CAB39: variants seen among roughly 807,000 people sequenced by gnomAD.
CAB39 encodes calcium-binding protein 39.
A neutral mutation model predicts 40.0 loss-of-function variants in CAB39; 8 were observed. The observed-to-expected ratio is 0.20, with a 90% confidence interval of 0.12 to 0.36. CAB39 has a LOEUF of 0.36. Ranked by LOEUF, CAB39 falls within the 10% of genes least tolerant of loss-of-function variation. The pLI is 1.00. For synonymous variants in CAB39, 156 were observed against 141.6 expected, an observed-to-expected ratio of 1.10 and a Z score of -0.72; for missense variants, 270 against 401.1, an observed-to-expected ratio of 0.67 and a Z score of 2.79.
At chr2:230,727,672 C>T (rs1559589712) in intron 1 of CAB39, among the ~76,000 whole-genome samples, 1 of 151,772 alleles carries the variant, frequency 6.6e-6, no homozygotes, top group Non-Finnish European at 1.5e-5. Context: ...CCTTGGCCTC[C>T]CTAAAGTGTT....
chr2:230,754,488 C>T (rs1381110725), intron 1 of CAB39, among the ~76,000 whole-genome samples: 3 of 149,758 alleles, frequency 2.0e-5, no homozygotes, highest in Non-Finnish European at 4.4e-5. Context: ...TCCTTCCGCT[C>T]CTCTTCCTCC....
chr2:230,803,583 A>G (rs533781951), intron 5 of CAB39, among the ~76,000 whole-genome samples: 4 of 152,364 alleles, frequency 2.6e-5, no homozygotes, highest in African/African-American at 4.8e-5. Flanking sequence ...TCAAGGTGCA[A>G]AAATCACAAG....
At chr2:230,722,310 T>TC (rs1559587649) in intron 1 of CAB39, among the ~76,000 whole-genome samples, 1 of 152,212 alleles carries the variant, frequency 6.6e-6, no homozygotes, top group Non-Finnish European at 1.5e-5. Flanking sequence ...ATACAAACTT[T>TC]CATTTTTCTA....
chr2:230,813,891 G>C, intron 6 of CAB39, 158 bp from the exon 7 acceptor site: 1 of 535,468 alleles, frequency 1.9e-6, no homozygotes, highest in South Asian at 2.5e-5. Flanking sequence ...AGACATGAAA[G>C]AGAGTGGCAG....
At chr2:230,791,320 T>C (rs2124957465) in intron 3 of CAB39, among the ~76,000 whole-genome samples, 1 of 152,334 alleles carries the variant, frequency 6.6e-6, no homozygotes, top group South Asian at 2.1e-4. Context: ...AAAAAACAAC[T>C]GCTCATTAGA....
intron 2 of CAB39, among the ~76,000 whole-genome samples, chr2:230,778,510 T>C (rs1009162509): frequency 6.6e-6 from 1 of 152,184 alleles, no homozygotes; most frequent in African/African-American, 2.4e-5. Context: ...AATATTGGAT[T>C]TAAGTCAAGA....
chr2:230,792,899 A>G (rs1442903507), intron 3 of CAB39, among the ~76,000 whole-genome samples: 7 of 152,182 alleles, frequency 4.6e-5, no homozygotes, highest in African/African-American at 1.7e-4. Context: ...GATTGTTAAC[A>G]TATTGCAGGG....
At position 230,754,402 on chromosome 2, in the gene CAB39, C is replaced by T. The variant is rs912111110; in HGVS notation, c.-43-5557C>T. 5.8e-4 allele frequency among the ~76,000 whole-genome samples: 72 copies of T among 123,422 alleles called. No homozygotes were observed. In the South Asian group the frequency reaches 0.016, roughly 28 times the overall value. The allele number at this position is 123,422 out of a possible 152,430, so 81.0% of individuals were successfully genotyped here. A position where few individuals can be genotyped will look rare whatever the true frequency, so the allele number is the denominator to read the frequency against. ...TCCTCTTCCCCTCCTTCTTCCCCTT[C>T]CCCTCCTTCTTCCCCTTTCCCTCCT... is the stretch of plus-strand genomic sequence containing the variant. On this transcript the variant is annotated intron_variant, in intron 1 of 8. Transcript: ENST00000258418.
intron 6 of CAB39, among the ~76,000 whole-genome samples, chr2:230,811,608 A>G (rs1335311135): frequency 6.6e-6 from 1 of 152,198 alleles, no homozygotes; most frequent in Non-Finnish European, 1.5e-5. Flanking sequence ...GACTTCAGCA[A>G]CTGCCTTCAT....
rs932445081 is a variant in CAB39, at chr2:230,819,936, T to C, written c.*1232T>C. On this transcript the variant is annotated 3_prime_UTR_variant, in exon 9 of 9. Coordinates refer to ENST00000258418, the MANE Select transcript of CAB39 (RefSeq NM_016289.4). Reference sequence around the variant, plus strand: ...AGTACAATAGTTGTGAACTGAATAATTAAAACTTTGGCTTCTCTTAGGAAA... The same window carrying C: ...AGTACAATAGTTGTGAACTGAATAACTAAAACTTTGGCTTCTCTTAGGAAA... 6.6e-6 allele frequency: 1 copy of C among 152,656 alleles called. No individual in the cohort carries two copies. Among genetic ancestry groups the C allele is most frequent in the African/African-American group, 2.4e-5 (1 of 41,456 alleles). The allele number at this position is 152,656 out of a possible 1,614,324, so 9.5% of individuals were successfully genotyped here.
In CAB39 at chr2:230,748,834, ATAT is replaced by A. The variant is rs1695032737; in HGVS notation, c.-43-11124_-43-11122del. Among the ~76,000 whole-genome samples, 66 of 53,914 alleles carry A rather than the reference ATAT, an allele frequency of 1.2e-3. 1 individual carries two copies. The highest frequency in any genetic ancestry group is 5.6e-3 in the African/African-American group (35 of 6,224). 35.4% of individuals were successfully genotyped at this position (53,914 alleles called of 152,430 possible). A position where few individuals can be genotyped will look rare whatever the true frequency, so the allele number is the denominator to read the frequency against. On this transcript the variant is annotated intron_variant, in intron 1 of 8. Coordinates refer to ENST00000258418, the MANE Select transcript of CAB39 (RefSeq NM_016289.4). Reference sequence around the variant, plus strand: ...AAAAGAAAAAAAAAAAAAAAAAAATATATATATATATATATATATATATATATA... The same window carrying A: ...AAAAGAAAAAAAAAAAAAAAAAAATAATATATATATATATATATATATATA...
chr2:230,762,969 A>G (rs1180258535), intron 2 of CAB39, among the ~76,000 whole-genome samples: 1 of 152,240 alleles, frequency 6.6e-6, no homozygotes, highest in Non-Finnish European at 1.5e-5. Flanking sequence ...GACCCCTTTT[A>G]TACTCTTAAA....
Position 230,810,273 on chromosome 2 carries a change from C to A in CAB39, c.578C>A (p.Thr193Lys). Residue 193 changes from threonine to lysine, a missense_variant, in exon 6 of 9, where the codon ACA becomes AAA. Transcript: ENST00000258418. ...TTTTTCTTTTTGTAGGATTTACTTA[C>A]AAGACATAAATTGCTCAGTGCAGAA... ...DAFATFKDLL[T>K]RHKLLSAEFL... 5 of 1,446,576 alleles carry A rather than the reference C, an allele frequency of 3.5e-6. No homozygotes were observed. Among genetic ancestry groups the A allele is most frequent in the African/African-American group, 1.4e-5 (1 of 69,542 alleles). The allele number at this position is 1,446,576 out of a possible 1,614,324, so 89.6% of individuals were successfully genotyped here. A position where few individuals can be genotyped will look rare whatever the true frequency, so the allele number is the denominator to read the frequency against.
intron 1 of CAB39, among the ~76,000 whole-genome samples, chr2:230,742,994 C>T (rs1559594826): frequency 6.6e-6 from 1 of 152,194 alleles, no homozygotes; most frequent in Admixed American, 6.5e-5. Flanking sequence ...ATTTTCCTCT[C>T]ATATGTGGTA....
chr2:230,737,855 G>T (rs866073932), intron 1 of CAB39, among the ~76,000 whole-genome samples: 1 of 152,088 alleles, frequency 6.6e-6, no homozygotes, highest in Non-Finnish European at 1.5e-5. Context: ...ACTATATTAT[G>T]ATGTCAACAC....
chr2:230,808,572 T>C (rs1322991889), intron 5 of CAB39, among the ~76,000 whole-genome samples: 1 of 152,228 alleles, frequency 6.6e-6, no homozygotes, highest in African/African-American at 2.4e-5. Context: ...TTTCTTCTTC[T>C]CCTTCCCCTG....
intron 7 of CAB39, 38 bp downstream of exon 7, chr2:230,814,152 C>T (rs1198083534): frequency 4.0e-6 from 4 of 1,003,764 alleles, no homozygotes; most frequent in South Asian, 1.5e-5. Flanking sequence ...TTTCTCTGTA[C>T]CTTGTGTTTG....
At chr2:230,729,996 A>C (rs771293679) in intron 1 of CAB39, among the ~76,000 whole-genome samples, 8 of 152,234 alleles carry the variant, frequency 5.3e-5, no homozygotes, top group Non-Finnish European at 7.3e-5. Flanking sequence ...TTGGCCAGAG[A>C]ATACTGTCAG....
At chr2:230,771,219 A>C (rs992588514) in intron 2 of CAB39, among the ~76,000 whole-genome samples, 1 of 152,220 alleles carries the variant, frequency 6.6e-6, no homozygotes, top group African/African-American at 2.4e-5. Context: ...TACAGAAATC[A>C]GTTGTATTTC....
Sources: allele counts gnomAD v4.1 joint callset (sites outside exome capture counted in the v4.1 genomes callset), GRCh38; gene constraint gnomAD v4.1.1; transcripts MANE v1.5; gene names NCBI Gene and HGNC (gene_info 2026-07-23, HGNC 2026-07-21).